The following TRAP1 variants were observed in gnomAD, a reference collection of about 807,000 sequenced individuals.
TRAP1 encodes TNF receptor associated protein 1.
Under a neutral mutation model 89.1 loss-of-function variants are expected in TRAP1, and 102 were observed. That is an observed-to-expected ratio of 1.15 (90% CI 0.98 to 1.35). The LOEUF (loss-of-function observed/expected upper bound fraction) is 1.35. Among genes scored for constraint, TRAP1 ranks in the 40% most tolerant of loss-of-function variants. The probability of loss-of-function intolerance (pLI) is 0.00; values close to 1 mark genes in which losing one functional copy is unlikely to be tolerated. For missense variants in TRAP1, 1,256 were observed against 945.3 expected (o/e 1.33, Z -4.31); for synonymous variants, 508 against 388.0 (o/e 1.31, Z -3.64).
At chr16:3,716,760 TTCTC>T (rs1245739193) in intron 1 of TRAP1, among the ~76,000 whole-genome samples, 4 of 152,208 alleles carry the variant, frequency 2.6e-5, no homozygotes, top group African/African-American at 9.7e-5. Context: ...GTTAGGGTCG[TTCTC>T]TCTGTTTTAC....
At chr16:3,716,286 G>T (rs1273973274) in intron 1 of TRAP1, among the ~76,000 whole-genome samples, 1 of 152,206 alleles carries the variant, frequency 6.6e-6, no homozygotes, top group African/African-American at 2.4e-5. Flanking sequence ...GGACAATTTG[G>T]CAGTATCTGC....
intron 16 of TRAP1, chr16:3,661,779 T>G: frequency 1.9e-6 from 1 of 519,582 alleles, no homozygotes; most frequent in Non-Finnish European, 3.1e-6. Flanking sequence ...GTGGCTAACC[T>G]CCCAGGTGAC....
chr16:3,677,525 C>T lies in TRAP1; in HGVS notation c.677G>A (p.Ser226Asn). 2 of 1,614,218 alleles carry T rather than the reference C, an allele frequency of 1.2e-6. No homozygotes were observed. Among genetic ancestry groups the T allele is most frequent in the Non-Finnish European group, 1.7e-6 (2 of 1,180,042 alleles). The part of the protein sequence containing the change: ...EVYSRSAAPG[S>N]LGYQWLSDGS... ...ATCTGAAAGCCACTGGTAACCCAGG[C>T]TCCCCGGGGCTGCCGAGCGGGAATA... Residue 226 changes from serine (S) to asparagine (N), a missense_variant, in exon 6 of 18, where the codon AGC (serine) becomes AAC (asparagine). Physicochemically the swap from Ser to Asn is conservative, Grantham distance 46. Coordinates refer to ENST00000246957, the MANE Select transcript of TRAP1 (RefSeq NM_016292.3).
intron 1 of TRAP1, among the ~76,000 whole-genome samples, chr16:3,704,790 G>A (rs1442633653): frequency 6.6e-6 from 1 of 152,134 alleles, no homozygotes; most frequent in East Asian, 1.9e-4. Flanking sequence ...AAGTTGGGAG[G>A]AACACTTGAG....
rs988614788 is a variant in TRAP1 at position 3,704,002 on chromosome 16, G to A, written c.89-13017C>T. On this transcript the variant is annotated intron_variant, in intron 1 of 17. Coordinates refer to ENST00000246957, the MANE Select transcript of TRAP1 (RefSeq NM_016292.3). ...TGCACTCCAGCCTGGGCGACAGAGC[G>A]AGACCCCGTCTCAAAAAAAAAAAAT... is the stretch of plus-strand genomic sequence containing the variant. Among the ~76,000 whole-genome samples the A allele has an allele frequency of 1.3e-4, 16 of 125,220 alleles. 1 individual carries two copies. The highest frequency in any genetic ancestry group is 1.8e-4 in the Non-Finnish European group (11 of 60,518). The allele number at this position is 125,220 out of a possible 152,430, so 82.1% of individuals were successfully genotyped here.
chr16:3,701,410 G>A (rs910067472), intron 1 of TRAP1, among the ~76,000 whole-genome samples: 36 of 151,934 alleles, frequency 2.4e-4, no homozygotes, highest in African/African-American at 7.7e-4. Context: ...AACAGAAGCC[G>A]GGCACAGTAG....
intron 15 of TRAP1, 94 bp from the exon 16 acceptor site, chr16:3,662,226 A>G (rs2043122108): frequency 5.4e-6 from 8 of 1,479,218 alleles, no homozygotes; most frequent in Non-Finnish European, 7.3e-6. Flanking sequence ...CCAGACCACG[A>G]GGTAGCAGGC....
intron 1 of TRAP1, among the ~76,000 whole-genome samples, chr16:3,708,616 G>A (rs548858911): frequency 6.0e-5 from 9 of 150,338 alleles, no homozygotes; most frequent in South Asian, 4.2e-4. Context: ...CAGCCTGGGC[G>A]ACGGAGCGAG....
intron 1 of TRAP1, among the ~76,000 whole-genome samples, chr16:3,694,050 T>C (rs532324794): frequency 2.0e-5 from 3 of 149,868 alleles, no homozygotes; most frequent in African/African-American, 7.3e-5. Context: ...TGCTTCCCAC[T>C]GGAGGTGCCG....
chr16:3,715,745 G>C (rs910150067), intron 1 of TRAP1, among the ~76,000 whole-genome samples: 1 of 152,098 alleles, frequency 6.6e-6, no homozygotes, highest in African/African-American at 2.4e-5. Flanking sequence ...TCAGGCACTG[G>C]AGACCAGCCT....
At chr16:3,658,257 A>G (rs2042836316) in intron 17 of TRAP1, 27 bp from the exon 18 acceptor site, 1 of 1,551,732 alleles carries the variant, frequency 6.4e-7, no homozygotes, top group African/African-American at 1.4e-5. Flanking sequence ...GAAACCCATT[A>G]TGAGGGGCAT....
chr16:3,702,837 G>C (rs1057390250), intron 1 of TRAP1, among the ~76,000 whole-genome samples: 1 of 151,578 alleles, frequency 6.6e-6, no homozygotes, highest in Non-Finnish European at 1.5e-5. Context: ...GAGGTTGGGA[G>C]TTTGAGACCA....
Position 3,710,873 on chromosome 16 carries a change from A to T in TRAP1, c.88+6548T>A, listed in dbSNP as rs1329267453. On this transcript the variant is annotated intron_variant, in intron 1 of 17. Transcript: ENST00000246957. ...TGTGTGTGTGTATATATATATATAT[A>T]TATATATTTTTTTTTTTGAGACACT... Among the ~76,000 whole-genome samples the T allele has an allele frequency of 1.8e-3, 187 of 106,050 alleles. 1 individual carries two copies. Among genetic ancestry groups the T allele is most frequent in the African/African-American group, 8.0e-3 (166 of 20,684 alleles). 69.6% of individuals were successfully genotyped at this position (106,050 alleles called of 152,430 possible).
intron 11 of TRAP1, 87 bp downstream of exon 11, chr16:3,671,635 G>A: frequency 2.8e-6 from 4 of 1,444,182 alleles, no homozygotes; most frequent in East Asian, 2.4e-5. Flanking sequence ...TCAGCTCCAT[G>A]GGCCACGGCT....
intron 11 of TRAP1, among the ~76,000 whole-genome samples, chr16:3,669,393 TG>T (rs1317216998): frequency 6.6e-6 from 1 of 152,176 alleles, no homozygotes; most frequent in East Asian, 1.9e-4. Context: ...CACGGCTGTG[TG>T]GGGAAACAAG....
intron 1 of TRAP1, among the ~76,000 whole-genome samples, chr16:3,702,745 T>G (rs1366993621): frequency 2.0e-5 from 3 of 151,186 alleles, no homozygotes; most frequent in African/African-American, 7.3e-5. Context: ...ACCCTGTCTT[T>G]AAGAGAAATT....
rs139619796 is a variant in TRAP1, at chr16:3,696,590, C to T, written c.89-5605G>A. ...TACTATTTTGAGACAGGGTCTCACT[C>T]TGTTGCCCAGGCTGGATCACAATGG... On this transcript the variant is annotated intron_variant, in intron 1 of 17. Coordinates refer to ENST00000246957, the MANE Select transcript of TRAP1 (RefSeq NM_016292.3). Among the ~76,000 whole-genome samples the T allele has an allele frequency of 3.3e-5, 5 of 152,310 alleles. No individual in the cohort carries two copies. The East Asian group carries it at 9.7e-4, about 29-fold the overall frequency.
rs141754017 is a variant in TRAP1 at position 3,682,804 on chromosome 16, G to A, written c.472-3014C>T. On this transcript the variant is annotated intron_variant, in intron 4 of 17. Coordinates refer to ENST00000246957, the MANE Select transcript of TRAP1 (RefSeq NM_016292.3). ...GAGCCCAGGAGGTCAAGGCTGCAGC[G>A]AACCCTGATAGCACCAATGCACCCC... is the stretch of plus-strand genomic sequence containing the variant. Among the ~76,000 whole-genome samples, 638 of 151,812 alleles carry A rather than the reference G, an allele frequency of 4.2e-3. 4 individuals are homozygous for A. Among genetic ancestry groups the A allele is most frequent in the South Asian group, 0.018 (87 of 4,800 alleles).
chr16:3,685,987 G>A lies in TRAP1; in HGVS notation c.471+9C>T, dbSNP rs755489534. On this transcript the variant is annotated intron_variant, in intron 4 of 17. Transcript: ENST00000246957. ...GGCCTGCCACACGCCTGGACACTGA[G>A]GGAGGTACCTGGATGGTGATGGTGC... is the stretch of plus-strand genomic sequence containing the variant. The A allele has an allele frequency of 7.4e-6, 12 of 1,613,346 alleles. 1 individual carries two copies. In the Admixed American group the frequency reaches 1.3e-4, roughly 18 times the overall value.
Sources: allele counts gnomAD v4.1 joint callset (sites outside exome capture counted in the v4.1 genomes callset), GRCh38; gene constraint gnomAD v4.1.1; transcripts MANE v1.5; gene names NCBI Gene and HGNC (gene_info 2026-07-23, HGNC 2026-07-21).